The following BATF3 variants were observed in gnomAD, a reference collection of about 807,000 sequenced individuals.
The protein encoded by BATF3 is basic leucine zipper transcriptional factor ATF-like 3.
In BATF3, 8 loss-of-function variants were observed where a neutral mutation model predicts 16.1. That is an observed-to-expected ratio of 0.50 (90% confidence interval 0.29 to 0.90). The LOEUF (loss-of-function observed/expected upper bound fraction) is 0.90. BATF3 is among the 40% of genes least tolerant of loss of function. The pLI, the probability that BATF3 is intolerant of heterozygous loss-of-function variation, is 0.08. For synonymous variants in BATF3, 74 were observed against 72.7 expected, an observed-to-expected ratio of 1.02 and a Z score of -0.09; for missense variants, 139 against 167.0, an observed-to-expected ratio of 0.83 and a Z score of 0.92.
chr1:212,691,688 G>C (rs1405600455), intron 2 of BATF3, among the ~76,000 whole-genome samples: 3 of 152,248 alleles, frequency 2.0e-5, no homozygotes, highest in Non-Finnish European at 2.9e-5. Context: ...TCATTTGTCA[G>C]TTTGTGACAT....
Position 212,697,082 on chromosome 1 carries a change from G to T in BATF3, c.91-17C>A. On this transcript the variant is annotated splice_polypyrimidine_tract_variant and intron_variant, in intron 1 of 2. Transcript: ENST00000243440. ...CTCAGGGCTCTGGGGAAAAACACTG[G>T]GTGGGTGTGATGTCGTGGCCCCTCG... 2 of 1,604,310 alleles carry T rather than the reference G, an allele frequency of 1.2e-6. No homozygotes were observed. The highest frequency in any genetic ancestry group is 2.2e-5 in the South Asian group (2 of 90,904).
intron 2 of BATF3, among the ~76,000 whole-genome samples, chr1:212,690,442 A>G (rs759094170): frequency 1.4e-4 from 22 of 152,134 alleles, no homozygotes; most frequent in Non-Finnish European, 2.5e-4. Flanking sequence ...TTTAAGCATT[A>G]CTCATAAACC....
Position 212,697,064 on chromosome 1 carries a change from C to T in BATF3, c.92G>A (p.Ser31Asn). The part of the protein sequence containing the change: ...NQPQPQPQQQ[S>N]PEDDDRKVRR... ...GACCTTCCTGTCATCATCCTCAGGG[C>T]TCTGGGGAAAAACACTGGGTGGGTG... is the stretch of plus-strand genomic sequence containing the variant. The change falls in exon 2 of 3, where the codon AGC becomes AAC. Residue 31 changes from serine to asparagine, a missense_variant and splice_region_variant. Coordinates refer to ENST00000243440, the MANE Select transcript of BATF3 (RefSeq NM_018664.3). 6.2e-7 allele frequency: 1 copy of T among 1,613,868 alleles called. No individual in the cohort carries two copies. The highest frequency in any genetic ancestry group is 8.5e-7 in the Non-Finnish European group (1 of 1,179,800).
chr1:212,686,780 T>G lies in BATF3; in HGVS notation c.*11A>C. On this transcript the variant is annotated 3_prime_UTR_variant, in exon 3 of 3. Coordinates refer to ENST00000243440, the MANE Select transcript of BATF3 (RefSeq NM_018664.3). ...CAAGGCTCCTTGCTGGGCAGAGGAG[T>G]GTCCCCGGCTTCATCGGGGCAAGCA... 1 of 1,605,208 alleles carries G rather than the reference T, an allele frequency of 6.2e-7. No individual in the cohort carries two copies.
At chr1:212,690,370 G>T (rs551119958) in intron 2 of BATF3, among the ~76,000 whole-genome samples, 1 of 152,184 alleles carries the variant, frequency 6.6e-6, no homozygotes, top group East Asian at 1.9e-4. Flanking sequence ...CTTCAGAGCC[G>T]CCCGACAGGT....
chr1:212,692,151 A>G (rs2102401873), intron 2 of BATF3, among the ~76,000 whole-genome samples: 1 of 151,948 alleles, frequency 6.6e-6, no homozygotes, highest in African/African-American at 2.4e-5. Flanking sequence ...CTTGACGGAC[A>G]CTCCTAGGAC....
chr1:212,699,840 C>G lies in BATF3; in HGVS notation c.-78G>C. ...GTGGGGCTGCCTACGGGCGCTGTCC[C>G]GCCGCCGGCATCCTCGTGCCGCACC... On this transcript the variant is annotated 5_prime_UTR_variant, in exon 1 of 3. Transcript: ENST00000243440. The surrounding 1 kb of genome is among the most constrained non-coding windows in gnomAD (Gnocchi z 4.4). 2 of 947,640 alleles carry G rather than the reference C, an allele frequency of 2.1e-6. No homozygotes were observed. Among genetic ancestry groups the G allele is most frequent in the Non-Finnish European group, 2.6e-6 (2 of 765,400 alleles). 58.7% of individuals were successfully genotyped at this position (947,640 alleles called of 1,614,324 possible).
At chr1:212,687,261 G>T (rs755951978) in intron 2 of BATF3, among the ~76,000 whole-genome samples, 1 of 152,010 alleles carries the variant, frequency 6.6e-6, no homozygotes, top group Non-Finnish European at 1.5e-5. Flanking sequence ...ATCAATACAC[G>T]GAACATTTCA....
At chr1:212,690,994 G>A (rs888061379) in intron 2 of BATF3, among the ~76,000 whole-genome samples, 1 of 152,232 alleles carries the variant, frequency 6.6e-6, no homozygotes, top group Admixed American at 6.5e-5. Flanking sequence ...CTAGAGGCCA[G>A]GGATGCTGCT....
Position 212,689,207 on chromosome 1 carries a change from C to G in BATF3, c.196-2228G>C, listed in dbSNP as rs191069760. Among the ~76,000 whole-genome samples, 65 of 152,326 alleles carry G rather than the reference C, an allele frequency of 4.3e-4. No individual in the cohort carries two copies. The highest frequency in any genetic ancestry group is 8.4e-4 in the Non-Finnish European group (57 of 68,024). On this transcript the variant is annotated intron_variant, in intron 2 of 2. Transcript: ENST00000243440. The surrounding 1 kb of genome is among the most constrained non-coding windows in gnomAD (Gnocchi z 4.6). ...CTTCTGCTACTCCTCTCCTCTACCC[C>G]CTGCCTGATGCGCCACAGCACCAGC...
chr1:212,686,489 T>C lies in BATF3; in HGVS notation c.*302A>G, dbSNP rs1239097118. On this transcript the variant is annotated 3_prime_UTR_variant, in exon 3 of 3. Transcript: ENST00000243440. ...AAGGGAGAGACAATAAGCATCTTTA[T>C]TATCCAAATTCTAGAGGAAATGGCT... is the stretch of plus-strand genomic sequence containing the variant. 2.2e-5 allele frequency: 8 copies of C among 364,036 alleles called. No individual in the cohort carries two copies. The highest frequency in any genetic ancestry group is 3.5e-5 in the Non-Finnish European group (7 of 198,900). 22.6% of individuals were successfully genotyped at this position (364,036 alleles called of 1,614,324 possible).
chr1:212,698,547 A>T (rs1363189951), intron 1 of BATF3: 1 of 152,172 alleles, frequency 6.6e-6, no homozygotes, highest in Non-Finnish European at 1.5e-5. Flanking sequence ...CCCAGCATAC[A>T]GTATGCCCTC....
rs115113369 is a variant in BATF3 at position 212,688,315 on chromosome 1, G to A, written c.196-1336C>T. 4.8e-3 allele frequency among the ~76,000 whole-genome samples: 734 copies of A among 152,294 alleles called. 6 individuals carry two copies. Among genetic ancestry groups the A allele is most frequent in the African/African-American group, 0.017 (699 of 41,558 alleles). ...AATTTACCAGAATATCTCAGAAAAT[G>A]TTGCTCCCAGGATGCAATGCATGGT... On this transcript the variant is annotated intron_variant, in intron 2 of 2. Transcript: ENST00000243440.
intron 2 of BATF3, among the ~76,000 whole-genome samples, chr1:212,695,287 G>A (rs1475382106): frequency 6.6e-6 from 1 of 152,086 alleles, no homozygotes; most frequent in African/African-American, 2.4e-5. Context: ...GAGGTGAGGA[G>A]TTCGAGACCA....
intron 2 of BATF3, 47 bp from the exon 3 acceptor site, chr1:212,687,026 T>C: frequency 2.4e-6 from 3 of 1,263,074 alleles, no homozygotes; most frequent in South Asian, 1.2e-5. Context: ...CAGCGTTCCC[T>C]TCCTCCGTCC....
intron 1 of BATF3, chr1:212,697,459 T>C (rs1457198245): frequency 1.0e-5 from 1 of 96,238 alleles, no homozygotes; most frequent in Non-Finnish European, 1.9e-5. Context: ...CATCTGAGAC[T>C]GGAAAGCTGG....
Position 212,699,674 on chromosome 1 carries a change from T to C in BATF3, c.89A>G (p.Gln30Arg). The change falls in exon 1 of 3, where the codon CAG becomes CGG. Residue 30 changes from glutamine to arginine, a missense_variant and splice_region_variant. Coordinates refer to ENST00000243440, the MANE Select transcript of BATF3 (RefSeq NM_018664.3). The surrounding 1 kb of genome is among the most constrained non-coding windows in gnomAD (Gnocchi z 4.4). The stretch of plus-strand genomic sequence containing the variant: ...CTCCCTGAGCCTCTCGCCCTCTACC[T>C]GCTGCTGCGGCTGCGGCTGCGGCTG... ...GNQPQPQPQQ[Q>R]SPEDDDRKVR... The C allele has an allele frequency of 7.5e-7, 1 of 1,338,308 alleles. No homozygotes were observed. The highest frequency in any genetic ancestry group is 1.9e-5 in the South Asian group (1 of 53,428). 82.9% of individuals were successfully genotyped at this position (1,338,308 alleles called of 1,614,324 possible). A position where few individuals can be genotyped will look rare whatever the true frequency, so the allele number is the denominator to read the frequency against.
intron 2 of BATF3, among the ~76,000 whole-genome samples, chr1:212,693,512 AG>A (rs1657051286): frequency 6.6e-6 from 1 of 152,148 alleles, no homozygotes; most frequent in African/African-American, 2.4e-5. Flanking sequence ...CCATTCCTTC[AG>A]CCCCACAGAG....
At chr1:212,693,967 G>A (rs780931480) in intron 2 of BATF3, among the ~76,000 whole-genome samples, 8 of 152,210 alleles carry the variant, frequency 5.3e-5, no homozygotes, top group African/African-American at 9.7e-5. Context: ...ATTAAGAAGC[G>A]TGAGATGGGG....
Sources: gnomAD v4.1 joint callset for allele counts (sites outside exome capture counted in the v4.1 genomes callset) on GRCh38, gnomAD v4.1.1 for gene constraint, Gnocchi (gnomAD v3.1) non-coding constraint, MANE v1.5 for transcripts, NCBI Gene and HGNC (gene_info 2026-07-23, HGNC 2026-07-21) for gene names.